SIK3: variants seen among roughly 807,000 people sequenced by gnomAD.
SIK3 encodes the protein serine/threonine-protein kinase SIK3.
Under a neutral mutation model 144.2 loss-of-function variants are expected in SIK3, and 28 were observed. The ratio of observed to expected loss-of-function variants is 0.19; its 90% CI spans 0.14 to 0.27. The LOEUF (loss-of-function observed/expected upper bound fraction) is 0.27, where lower values mean the gene tolerates loss of function less well. Ranked by LOEUF, SIK3 falls within the 10% of genes least tolerant of loss-of-function variation. The pLI, the probability that SIK3 is intolerant of heterozygous loss-of-function variation, is 1.00. For missense variants in SIK3, 1,319 were observed against 1,776.0 expected, an observed-to-expected ratio of 0.74 and a Z score of 4.62; for synonymous variants, 686 against 676.3, an observed-to-expected ratio of 1.01 and a Z score of -0.22.
chr11:117,043,653 C>T (rs1952838529), intron 1 of SIK3, among the ~76,000 whole-genome samples: 1 of 152,176 alleles, frequency 6.6e-6, no homozygotes, highest in Non-Finnish European at 1.5e-5. Flanking sequence ...CATATCACTA[C>T]TAAAATCAAC....
At chr11:116,941,355 T>C (rs149125028) in intron 3 of SIK3, among the ~76,000 whole-genome samples, 33 of 149,490 alleles carry the variant, frequency 2.2e-4, no homozygotes, top group African/African-American at 7.7e-4. Flanking sequence ...AGTGGGAAAA[T>C]GGTAGTTTAG....
intron 4 of SIK3, among the ~76,000 whole-genome samples, chr11:116,923,324 G>C (rs939521731): frequency 6.6e-6 from 1 of 152,138 alleles, no homozygotes; most frequent in African/African-American, 2.4e-5. Flanking sequence ...TACCAAAAGG[G>C]AGGCCATTGA....
intron 1 of SIK3, among the ~76,000 whole-genome samples, chr11:117,085,396 G>C (rs1233647624): frequency 6.6e-6 from 1 of 152,124 alleles, no homozygotes; most frequent in Non-Finnish European, 1.5e-5. Flanking sequence ...CAAAGTGCTG[G>C]GATGGCAGGC....
chr11:116,986,765 G>A (rs1322586605), intron 1 of SIK3, among the ~76,000 whole-genome samples: 1 of 152,060 alleles, frequency 6.6e-6, no homozygotes, highest in African/African-American at 2.4e-5. Context: ...CTCTAATTTC[G>A]GGGTTGGCAA....
chr11:116,942,964 A>G (rs946861264), intron 3 of SIK3, among the ~76,000 whole-genome samples: 1 of 152,176 alleles, frequency 6.6e-6, no homozygotes, highest in Non-Finnish European at 1.5e-5. Context: ...GAGACTATTT[A>G]AAGGCTACTG....
intron 1 of SIK3, among the ~76,000 whole-genome samples, chr11:117,056,692 G>GCA (rs1370595780): frequency 1.3e-5 from 2 of 152,080 alleles, no homozygotes; most frequent in Non-Finnish European, 1.5e-5. Context: ...GTATAAACTT[G>GCA]TCTGGAGGAT....
At chr11:116,875,059 G>T (rs1024580271) in intron 11 of SIK3, 99 bp downstream of exon 11, 5 of 882,434 alleles carry the variant, frequency 5.7e-6, no homozygotes, top group Non-Finnish European at 9.2e-6. Flanking sequence ...ATCTCCTCTG[G>T]GGATACAATG....
Position 117,058,519 on chromosome 11 carries a change from CA to C in SIK3, c.273+39623del, listed in dbSNP as rs61453348. On this transcript the variant is annotated intron_variant, in intron 1 of 24. Coordinates refer to ENST00000445177, the MANE Select transcript of SIK3 (RefSeq NM_001366686.3). ...CGGGCAACAGAGCGAGACTCCATCT[CA>C]AAAAAAAAAAAAAAAATTACCTCCA... 1.9e-3 allele frequency among the ~76,000 whole-genome samples: 227 copies of C among 116,790 alleles called. 2 individuals carry two copies. The highest frequency in any genetic ancestry group is 9.5e-3 in the Middle Eastern group (2 of 210). The allele number at this position is 116,790 out of a possible 152,430, so 76.6% of individuals were successfully genotyped here.
At chr11:117,033,529 G>A (rs1318631627) in intron 1 of SIK3, among the ~76,000 whole-genome samples, 9 of 151,822 alleles carry the variant, frequency 5.9e-5, no homozygotes, top group Admixed American at 5.3e-4. Context: ...GTGAAACCTC[G>A]TCTCTACTAA....
chr11:116,943,475 A>C (rs1006898807), intron 3 of SIK3, among the ~76,000 whole-genome samples: 2 of 152,218 alleles, frequency 1.3e-5, no homozygotes, highest in African/African-American at 4.8e-5. Flanking sequence ...GGGATTAGGA[A>C]TTAATGTAAC....
intron 6 of SIK3, among the ~76,000 whole-genome samples, chr11:116,883,038 T>C (rs1376769882): frequency 1.3e-5 from 2 of 152,246 alleles, no homozygotes; most frequent in Non-Finnish European, 2.9e-5. Flanking sequence ...TGCTATGCAA[T>C]ACACTGCTTG....
At chr11:116,939,765 T>C (rs1948182013) in intron 3 of SIK3, among the ~76,000 whole-genome samples, 2 of 152,192 alleles carry the variant, frequency 1.3e-5, no homozygotes, top group South Asian at 4.1e-4. Flanking sequence ...ATCAGCCAAA[T>C]TCCAAATGTA....
chr11:116,876,424 G>T, intron 7 of SIK3, 61 bp from the exon 8 acceptor site: 2 of 1,362,978 alleles, frequency 1.5e-6, no homozygotes, highest in Non-Finnish European at 1.0e-6. Flanking sequence ...ATGTGGCACA[G>T]CATATATAAT....
chr11:116,954,457 C>T (rs553762369), intron 2 of SIK3, among the ~76,000 whole-genome samples: 7 of 142,440 alleles, frequency 4.9e-5, no homozygotes, highest in African/African-American at 1.8e-4. Context: ...ATCTGAAGCA[C>T]AAAAATGCCC....
chr11:116,969,289 CAAAAAAAA>C (rs60102923), intron 1 of SIK3, among the ~76,000 whole-genome samples: 1 of 73,574 alleles, frequency 1.4e-5, no homozygotes, highest in Non-Finnish European at 2.5e-5. Flanking sequence ...GACTCCGTCT[CAAAAAAAA>C]AAAAAAAAAA....
At chr11:116,973,587 CA>C (rs1404334998) in intron 1 of SIK3, among the ~76,000 whole-genome samples, 8 of 152,092 alleles carry the variant, frequency 5.3e-5, no homozygotes, top group South Asian at 2.1e-4. Flanking sequence ...TCCTTCCAGA[CA>C]GTACATTATG....
chr11:116,938,888 A>C (rs1188790932), intron 3 of SIK3, among the ~76,000 whole-genome samples: 4 of 152,184 alleles, frequency 2.6e-5, no homozygotes, highest in Non-Finnish European at 5.9e-5. Flanking sequence ...TGAAGCACAT[A>C]AAATATACTA....
intron 1 of SIK3, among the ~76,000 whole-genome samples, chr11:117,058,709 G>A (rs943632078): frequency 6.6e-6 from 1 of 152,192 alleles, no homozygotes; most frequent in Non-Finnish European, 1.5e-5. Flanking sequence ...TCATTCTGGT[G>A]AAGGAGAAAT....
At chr11:116,919,497 C>T (rs1438068836) in intron 4 of SIK3, among the ~76,000 whole-genome samples, 1 of 151,970 alleles carries the variant, frequency 6.6e-6, no homozygotes, top group African/African-American at 2.4e-5. Context: ...TTCTGGGAGT[C>T]GACATTTAAA....
Sources: gnomAD v4.1 joint callset for allele counts (sites outside exome capture counted in the v4.1 genomes callset) on GRCh38, gnomAD v4.1.1 for gene constraint, MANE v1.5 for transcripts, NCBI Gene and HGNC (gene_info 2026-07-23, HGNC 2026-07-21) for gene names.